Variants in LHFPL3 observed in about 807,000 individuals in gnomAD.
LHFPL3 encodes the protein LHFPL tetraspan subfamily member 3.
LHFPL3 carries 5 observed loss-of-function variants against 19.3 expected under a neutral mutation model. That is an observed-to-expected ratio of 0.26 (90% CI 0.14 to 0.54). The LOEUF is 0.54. Among genes scored for constraint, LHFPL3 ranks in the 20% least tolerant of loss-of-function variants. The pLI, the probability that LHFPL3 is intolerant of heterozygous loss-of-function variation, is 0.94. For missense variants in LHFPL3, 249 were observed against 307.4 expected, an observed-to-expected ratio of 0.81 and a Z score of 1.42; for synonymous variants, 133 against 126.2, an observed-to-expected ratio of 1.05 and a Z score of -0.36.
In LHFPL3 at chr7:104,594,405, C is replaced by T. The variant is rs181965149; in HGVS notation, c.446-142270C>T. ...CTTGTAGGGTTTCTGCTGAGAGATC[C>T]GCTGTTAGTCTGATGGGCTTCCCTC... is the stretch of plus-strand genomic sequence containing the variant. On this transcript the variant is annotated intron_variant, in intron 1 of 2. Transcript: ENST00000424859. Among the ~76,000 whole-genome samples the T allele has an allele frequency of 2.3e-3, 346 of 152,268 alleles. 2 individuals are homozygous for T. Among genetic ancestry groups the T allele is most frequent in the African/African-American group, 7.5e-3 (312 of 41,548 alleles).
chr7:104,632,211 A>G (rs1165648347), intron 1 of LHFPL3, among the ~76,000 whole-genome samples: 2 of 152,220 alleles, frequency 1.3e-5, no homozygotes, highest in Non-Finnish European at 2.9e-5. Flanking sequence ...GAAGAATACA[A>G]TTAAGAGACC....
intron 2 of LHFPL3, among the ~76,000 whole-genome samples, chr7:104,872,560 G>A (rs1409043415): frequency 2.0e-5 from 3 of 151,722 alleles, no homozygotes; most frequent in Admixed American, 6.6e-5. Context: ...TGGGAGAATC[G>A]CTGGAATCCA....
chr7:104,861,611 G>A (rs1791620272), intron 2 of LHFPL3, among the ~76,000 whole-genome samples: 2 of 152,048 alleles, frequency 1.3e-5, no homozygotes, highest in African/African-American at 4.8e-5. Context: ...GCTAGAGGAG[G>A]AGCCTCCTGG....
intron 1 of LHFPL3, among the ~76,000 whole-genome samples, chr7:104,592,065 C>T (rs1402591193): frequency 1.3e-5 from 2 of 152,130 alleles, no homozygotes; most frequent in Admixed American, 1.3e-4. Flanking sequence ...TTCGAACATC[C>T]TCCTTTAGCT....
intron 1 of LHFPL3, among the ~76,000 whole-genome samples, chr7:104,330,106 A>G (rs1031673923): frequency 6.6e-6 from 1 of 152,224 alleles, no homozygotes; most frequent in Non-Finnish European, 1.5e-5. Context: ...CTTTTAACCC[A>G]GAAAGGATGG....
At chr7:104,860,771 A>C (rs189900101) in intron 2 of LHFPL3, among the ~76,000 whole-genome samples, 1 of 152,326 alleles carries the variant, frequency 6.6e-6, no homozygotes, top group East Asian at 1.9e-4. Context: ...CTCTCTTCTG[A>C]CATCTCTCTT....
chr7:104,884,833 AACT>A (rs1263842822), intron 2 of LHFPL3, among the ~76,000 whole-genome samples: 1 of 152,190 alleles, frequency 6.6e-6, no homozygotes, highest in East Asian at 1.9e-4. Context: ...GGGGTTCTGT[AACT>A]TAACAGCCCA....
At chr7:104,588,836 C>T (rs1173733601) in intron 1 of LHFPL3, among the ~76,000 whole-genome samples, 2 of 152,046 alleles carry the variant, frequency 1.3e-5, no homozygotes, top group African/African-American at 4.8e-5. Flanking sequence ...CCTTCACATC[C>T]CTTGTAAGTT....
intron 1 of LHFPL3, among the ~76,000 whole-genome samples, chr7:104,689,953 G>A (rs150739132): frequency 0.011 from 1,730 of 152,316 alleles, 30 homozygotes; most frequent in Non-Finnish European, 0.014. Flanking sequence ...CAGGTAGGGT[G>A]AGGGCTATTG....
At chr7:104,371,964 T>A (rs975231760) in intron 1 of LHFPL3, among the ~76,000 whole-genome samples, 1 of 152,232 alleles carries the variant, frequency 6.6e-6, no homozygotes, top group Admixed American at 6.5e-5. Context: ...GAGGATAACA[T>A]TTTTTGATGG....
At chr7:104,365,495 G>C (rs2116418220) in intron 1 of LHFPL3, among the ~76,000 whole-genome samples, 1 of 151,656 alleles carries the variant, frequency 6.6e-6, no homozygotes, top group African/African-American at 2.4e-5. Flanking sequence ...AAGATGAAAA[G>C]CCTCGGCCGG....
At chr7:104,668,117 A>G (rs545552031) in intron 1 of LHFPL3, 42 of 1,613,914 alleles carry the variant, frequency 2.6e-5, no homozygotes, top group Non-Finnish European at 3.5e-5. Context: ...ATATCAGTGC[A>G]GTGCGTTTAC....
At chr7:104,385,207 A>T (rs1274630022) in intron 1 of LHFPL3, among the ~76,000 whole-genome samples, 1 of 152,164 alleles carries the variant, frequency 6.6e-6, no homozygotes, top group Non-Finnish European at 1.5e-5. Context: ...AATACCATTA[A>T]ACATTTGAAT....
At chr7:104,566,194 CA>C (rs1175472620) in intron 1 of LHFPL3, among the ~76,000 whole-genome samples, 1 of 151,798 alleles carries the variant, frequency 6.6e-6, no homozygotes, top group South Asian at 2.1e-4. Flanking sequence ...AAAATAAAAC[CA>C]AAAAAATTTG....
chr7:104,526,949 A>G (rs1291085646), intron 1 of LHFPL3, among the ~76,000 whole-genome samples: 2 of 152,230 alleles, frequency 1.3e-5, no homozygotes, highest in Non-Finnish European at 2.9e-5. Context: ...TAAAATATCA[A>G]ATAGTGGTAC....
At chr7:104,428,820 T>C (rs1235669434) in intron 1 of LHFPL3, among the ~76,000 whole-genome samples, 1 of 152,232 alleles carries the variant, frequency 6.6e-6, no homozygotes, top group African/African-American at 2.4e-5. Context: ...AGTATGATTT[T>C]CTCTGGAAGT....
chr7:104,575,225 C>A (rs900507231), intron 1 of LHFPL3, among the ~76,000 whole-genome samples: 1 of 152,150 alleles, frequency 6.6e-6, no homozygotes, highest in Non-Finnish European at 1.5e-5. Flanking sequence ...AACCACTGAA[C>A]CAGAGCTAGA....
intron 1 of LHFPL3, among the ~76,000 whole-genome samples, chr7:104,636,036 A>C (rs562946324): frequency 4.6e-5 from 7 of 152,330 alleles, no homozygotes; most frequent in Admixed American, 3.9e-4. Context: ...TAGAAACAAT[A>C]AAATGTAATT....
chr7:104,657,682 T>C (rs553037753), intron 1 of LHFPL3, among the ~76,000 whole-genome samples: 147 of 152,322 alleles, frequency 9.7e-4, no homozygotes, highest in Non-Finnish European at 1.7e-3. Flanking sequence ...GCAGTCCAGT[T>C]GCTGCCCTCC....
Sources: gnomAD v4.1 joint callset for allele counts (sites outside exome capture counted in the v4.1 genomes callset) on GRCh38, gnomAD v4.1.1 for gene constraint, MANE v1.5 for transcripts, NCBI Gene and HGNC (gene_info 2026-07-23, HGNC 2026-07-21) for gene names.